Variants in MIPEP observed in about 807,000 individuals in gnomAD.
MIPEP encodes mitochondrial intermediate peptidase.
In MIPEP, 79 loss-of-function variants were observed where a neutral mutation model predicts 90.3. The observed-to-expected ratio is 0.87, with a 90% CI of 0.73 to 1.05. The LOEUF (loss-of-function observed/expected upper bound fraction) is 1.05, where lower values mean the gene tolerates loss of function less well. Ranked by LOEUF, MIPEP falls within the 50% of genes least tolerant of loss-of-function variation. MIPEP has a pLI of 0.00. For missense variants in MIPEP, 940 were observed against 905.6 expected, an observed-to-expected ratio of 1.04 and a Z score of -0.49; for synonymous variants, 334 against 315.8, an observed-to-expected ratio of 1.06 and a Z score of -0.61.
chr13:23,842,341 T>C (rs1869333686), intron 10 of MIPEP: 1 of 152,184 alleles, frequency 6.6e-6, no homozygotes, highest in Non-Finnish European at 1.5e-5. Flanking sequence ...AACAAATTTA[T>C]ATATAAAAAT....
intron 16 of MIPEP, among the ~76,000 whole-genome samples, chr13:23,776,002 AG>A (rs1662282389): frequency 6.6e-6 from 1 of 152,240 alleles, no homozygotes; most frequent in Non-Finnish European, 1.5e-5. Flanking sequence ...GATGTTTTTA[AG>A]TATATGGTCA....
chr13:23,886,114 C>T (rs188105268), intron 2 of MIPEP, among the ~76,000 whole-genome samples: 8 of 151,932 alleles, frequency 5.3e-5, no homozygotes, highest in African/African-American at 1.2e-4. Flanking sequence ...ATTAAACATA[C>T]GTATTAAAGT....
intron 16 of MIPEP, among the ~76,000 whole-genome samples, chr13:23,798,766 C>G (rs1952994564): frequency 6.6e-6 from 1 of 152,062 alleles, no homozygotes; most frequent in Non-Finnish European, 1.5e-5. Flanking sequence ...TAAGACACCA[C>G]TCTCCCCCTT....
intron 18 of MIPEP, among the ~76,000 whole-genome samples, chr13:23,746,252 G>A (rs916227898): frequency 1.3e-5 from 2 of 151,526 alleles, no homozygotes; most frequent in Non-Finnish European, 2.9e-5. Flanking sequence ...GACCTCAGGT[G>A]ATCCACCCAT....
chr13:23,853,088 A>G (rs1869876072), intron 10 of MIPEP, among the ~76,000 whole-genome samples: 1 of 152,230 alleles, frequency 6.6e-6, no homozygotes, highest in South Asian at 2.1e-4. Flanking sequence ...AAGTTTTTAA[A>G]AACTAAAAAG....
At chr13:23,747,323 G>C (rs145939996) in intron 18 of MIPEP, among the ~76,000 whole-genome samples, 1 of 152,244 alleles carries the variant, frequency 6.6e-6, no homozygotes, top group East Asian at 1.9e-4. Context: ...ATTTAGGCGG[G>C]ATCTCTTGAT....
chr13:23,747,150 T>C (rs570277372), intron 18 of MIPEP, among the ~76,000 whole-genome samples: 1 of 152,194 alleles, frequency 6.6e-6, no homozygotes, highest in African/African-American at 2.4e-5. Flanking sequence ...CTTCCATACA[T>C]GGGAAGTGGA....
chr13:23,822,115 A>G (rs541909622), intron 14 of MIPEP, among the ~76,000 whole-genome samples: 4 of 152,370 alleles, frequency 2.6e-5, no homozygotes, highest in African/African-American at 9.6e-5. Flanking sequence ...TTTCAAAAGC[A>G]GAGATCAAAC....
chr13:23,871,104 A>G (rs1344165680), intron 5 of MIPEP, among the ~76,000 whole-genome samples: 1 of 152,190 alleles, frequency 6.6e-6, no homozygotes, highest in Admixed American at 6.5e-5. Context: ...TAAGAAGCAG[A>G]CTGGAACCCC....
intron 16 of MIPEP, among the ~76,000 whole-genome samples, chr13:23,769,409 G>A (rs564817923): frequency 5.9e-5 from 9 of 152,300 alleles, no homozygotes; most frequent in South Asian, 4.1e-4. Flanking sequence ...AAGGAAAAAT[G>A]GAAAAGGACA....
intron 16 of MIPEP, among the ~76,000 whole-genome samples, chr13:23,771,859 T>C (rs1952655290): frequency 6.6e-6 from 1 of 152,194 alleles, no homozygotes; most frequent in South Asian, 2.1e-4. Flanking sequence ...ATTTTAATGG[T>C]GAAAGATCCC....
intron 7 of MIPEP, among the ~76,000 whole-genome samples, chr13:23,868,837 C>T (rs948963883): frequency 6.6e-6 from 1 of 152,170 alleles, no homozygotes; most frequent in African/African-American, 2.4e-5. Context: ...TTCCGTAACA[C>T]CTCACCTAGC....
At chr13:23,741,905 A>C (rs1328937993) in intron 18 of MIPEP, among the ~76,000 whole-genome samples, 1 of 152,240 alleles carries the variant, frequency 6.6e-6, no homozygotes, top group African/African-American at 2.4e-5. Flanking sequence ...AAATTAATTA[A>C]TTAAGTTCCA....
At chr13:23,871,901 A>C (rs1447851302) in intron 5 of MIPEP, among the ~76,000 whole-genome samples, 1 of 152,202 alleles carries the variant, frequency 6.6e-6, no homozygotes, top group Non-Finnish European at 1.5e-5. Context: ...AATTGTCTTC[A>C]AAACTTTTAC....
At chr13:23,788,235 CCTAAACTTATTTAT>C (rs1303909158) in intron 16 of MIPEP, among the ~76,000 whole-genome samples, 2 of 152,130 alleles carry the variant, frequency 1.3e-5, no homozygotes, top group Non-Finnish European at 1.5e-5. Flanking sequence ...TCAGTTTTTC[CCTAAACTTATTTAT>C]GAATTCTTTC....
chr13:23,836,192 C>A, intron 14 of MIPEP, 48 bp downstream of exon 14: 2 of 1,237,938 alleles, frequency 1.6e-6, no homozygotes, highest in South Asian at 1.6e-5. Context: ...GTCATAAACG[C>A]CAACTATCAC....
intron 6 of MIPEP, 40 bp from the exon 7 acceptor site, chr13:23,869,488 T>C (rs1432769315): frequency 1.9e-6 from 3 of 1,553,838 alleles, no homozygotes; most frequent in Non-Finnish European, 2.6e-6. Context: ...ATAAATATCA[T>C]CACACAGTCC....
chr13:23,747,661 A>G, intron 18 of MIPEP: 1 of 409,258 alleles, frequency 2.4e-6, no homozygotes, highest in Non-Finnish European at 4.8e-6. Flanking sequence ...CCTGTAAAAT[A>G]TCCAAAAATA....
At chr13:23,819,113 T>C (rs1471267130) in intron 14 of MIPEP, among the ~76,000 whole-genome samples, 6 of 152,262 alleles carry the variant, frequency 3.9e-5, no homozygotes, top group Non-Finnish European at 8.8e-5. Flanking sequence ...TCATTTCTTT[T>C]AATTCAACAT....
Sources: gnomAD v4.1 joint callset for allele counts (sites outside exome capture counted in the v4.1 genomes callset) on GRCh38, gnomAD v4.1.1 for gene constraint, MANE v1.5 for transcripts, NCBI Gene and HGNC (gene_info 2026-07-23, HGNC 2026-07-21) for gene names.